SCN1B: variants seen among roughly 807,000 people sequenced by gnomAD.
The protein encoded by SCN1B is sodium channel regulatory subunit beta-1.
SCN1B carries 11 observed loss-of-function variants against 25.7 expected under a neutral mutation model. The observed-to-expected ratio is 0.43, with a 90% CI of 0.27 to 0.71. SCN1B has a LOEUF of 0.71. Ranked by LOEUF, SCN1B falls within the 30% of genes least tolerant of loss-of-function variation. The pLI is 0.21. For synonymous variants in SCN1B, 119 were observed against 117.5 expected (o/e 1.01, Z -0.08); for missense variants, 224 against 291.5 (o/e 0.77, Z 1.69).
Position 35,039,270 on chromosome 19 carries a change from G to C in SCN1B, c.590+12G>C. 1 of 1,611,532 alleles carries C rather than the reference G, an allele frequency of 6.2e-7. No individual in the cohort carries two copies. The highest frequency in any genetic ancestry group is 8.5e-7 in the Non-Finnish European group (1 of 1,180,002). On this transcript the variant is annotated intron_variant, in intron 4 of 5. Transcript: ENST00000262631. ...GCACAGGAGAATGCGTGAGTAGGGT[G>C]GCTGGGAGGTGGGAGGGCACCCAGG...
At chr19:35,039,584 T>C (rs2151749005) in intron 4 of SCN1B, 51 bp from the exon 5 acceptor site, 1 of 1,566,576 alleles carries the variant, frequency 6.4e-7, no homozygotes, top group East Asian at 2.2e-5. Context: ...CCCCCGGGGG[T>C]TGGGTCGGTC....
At position 35,033,696 on chromosome 19, in the gene SCN1B, C is replaced by G. The variant is rs372630267; in HGVS notation, c.405C>G (p.Asn135Lys). 8 of 1,614,072 alleles carry G rather than the reference C, an allele frequency of 5.0e-6. No individual in the cohort carries two copies. The highest frequency in any genetic ancestry group is 6.8e-6 in the Non-Finnish European group (8 of 1,180,048). ...RLLFFENYEH[N>K]TSVVKKIHIE... ...TCTTCTTCGAAAACTACGAGCACAA[C>G]ACCAGCGTCGTCAAGAAGATCCACA... The change falls in exon 3 of 6, where the codon AAC becomes AAG. Residue 135 changes from asparagine to lysine, a missense_variant. Asn to Lys is a moderately conservative substitution (Grantham distance 94). This residue lies in a region of SCN1B where 126 missense variants were observed against 204.9 expected (regional missense o/e 0.61). Transcript: ENST00000262631.
chr19:35,033,217 G>A (rs1368474759), intron 2 of SCN1B, among the ~76,000 whole-genome samples: 1 of 152,106 alleles, frequency 6.6e-6, no homozygotes, highest in Non-Finnish European at 1.5e-5. Flanking sequence ...GGAAAGAACG[G>A]CAGAGAATGA....
intron 3 of SCN1B, chr19:35,038,190 A>C (rs932856894): frequency 6.6e-5 from 10 of 152,190 alleles, no homozygotes; most frequent in Admixed American, 6.5e-4. Flanking sequence ...ACAGCAGGGA[A>C]AATGGGATCT....
At chr19:35,039,074 A>G in intron 3 of SCN1B, 43 bp from the exon 4 acceptor site, 2 of 1,611,396 alleles carry the variant, frequency 1.2e-6, no homozygotes, top group Non-Finnish European at 8.5e-7. Flanking sequence ...TCAGGCTGTC[A>G]TGCAGCCTGG....
chr19:35,034,131 G>T, intron 3 of SCN1B: 2 of 1,551,336 alleles, frequency 1.3e-6, no homozygotes, highest in South Asian at 2.4e-5. Flanking sequence ...CATGAGGATT[G>T]AGCAGCTGCA....
chr19:35,030,792 GA>G lies in SCN1B; in HGVS notation c.-28del. ...CCCGCTATTAATACCGGCGGCCCGG[GA>G]GGGGGGCGCAGCACGCGCCGCGCAG... On this transcript the variant is annotated 5_prime_UTR_variant, in exon 1 of 6. Transcript: ENST00000262631. The G allele has an allele frequency of 2.0e-6, 2 of 1,004,252 alleles. No homozygotes were observed. The highest frequency in any genetic ancestry group is 2.6e-6 in the Non-Finnish European group (2 of 772,690). The allele number at this position is 1,004,252 out of a possible 1,614,324, so 62.2% of individuals were successfully genotyped here. A position where few individuals can be genotyped will look rare whatever the true frequency, so the allele number is the denominator to read the frequency against.
intron 3 of SCN1B, chr19:35,034,274 G>T (rs541514361): frequency 6.1e-6 from 7 of 1,153,480 alleles, no homozygotes; most frequent in Non-Finnish European, 8.5e-6. Flanking sequence ...GCAGAGTTCC[G>T]CACACCCCTC....
chr19:35,038,812 G>GTCA (rs1330457869), intron 3 of SCN1B: 7 of 453,542 alleles, frequency 1.5e-5, no homozygotes, highest in Non-Finnish European at 2.1e-5. Flanking sequence ...CTTGCGCAAG[G>GTCA]TCACACAGCT....
At chr19:35,037,607 A>T (rs955121389) in intron 3 of SCN1B, 1 of 152,122 alleles carries the variant, frequency 6.6e-6, no homozygotes, top group Non-Finnish European at 1.5e-5. Flanking sequence ...AATTTAGCAC[A>T]GAGCTTGACT....
chr19:35,038,950 G>A (rs2064264935), intron 3 of SCN1B, 167 bp from the exon 4 acceptor site: 2 of 780,642 alleles, frequency 2.6e-6, no homozygotes, highest in African/African-American at 1.7e-5. Flanking sequence ...GGCAGGTTGA[G>A]GGTGACCCCC....
Position 35,030,742 on chromosome 19 carries a change from G to T in SCN1B, c.-79G>T. On this transcript the variant is annotated 5_prime_UTR_variant, in exon 1 of 6. Transcript: ENST00000262631. ...GCGCGCTCCCGGGGACATTCTAACC[G>T]CCGCCAGGTCCCGCCGCCTCTCGCC... 2.3e-6 allele frequency: 1 copy of T among 435,932 alleles called. No homozygotes were observed. The highest frequency in any genetic ancestry group is 4.0e-6 in the Non-Finnish European group (1 of 250,300). 27.0% of individuals were successfully genotyped at this position (435,932 alleles called of 1,614,324 possible).
rs779184742 is a variant in SCN1B at position 35,039,098 on chromosome 19, C to G, written c.449-19C>G. The G allele has an allele frequency of 2.5e-6, 4 of 1,614,094 alleles. No individual in the cohort carries two copies. Among genetic ancestry groups the G allele is most frequent in the South Asian group, 1.1e-5 (1 of 91,084 alleles). On this transcript the variant is annotated intron_variant, in intron 3 of 5. Coordinates refer to ENST00000262631, the MANE Select transcript of SCN1B (RefSeq NM_001037.5). Reference sequence around the variant, plus strand: ...CATGCAGCCTGGGCTACCCCCTTAACCCTGCCTGGCCCCTGCAGCCAACAG... The same window carrying G: ...CATGCAGCCTGGGCTACCCCCTTAAGCCTGCCTGGCCCCTGCAGCCAACAG...
At chr19:35,039,036 A>G (rs747036285) in intron 3 of SCN1B, 81 bp from the exon 4 acceptor site, 4 of 1,539,690 alleles carry the variant, frequency 2.6e-6, no homozygotes, top group Non-Finnish European at 3.6e-6. Flanking sequence ...CCACTCATCC[A>G]AGCTCACACA....
chr19:35,039,702 C>T lies in SCN1B; in HGVS notation c.*1C>T. ...CACGGGCGTCCAGGTGGCCGAATAGCCCTGGTAAGGCGGATGGGCTGGCAG... is the reference window on the plus strand; with the variant it reads ...CACGGGCGTCCAGGTGGCCGAATAGTCCTGGTAAGGCGGATGGGCTGGCAG... On this transcript the variant is annotated 3_prime_UTR_variant, in exon 5 of 6. Transcript: ENST00000262631. The T allele has an allele frequency of 6.2e-7, 1 of 1,614,130 alleles. No homozygotes were observed. Among genetic ancestry groups the T allele is most frequent in the East Asian group, 2.2e-5 (1 of 44,870 alleles).
rs765269835 is a variant in SCN1B, at chr19:35,039,139, C to A, written c.471C>A (p.Ile157=). ...VDKANRDMAS[I]VSEIMMYVLI... ...CAGCCAACAGAGACATGGCATCCATCGTGTCTGAGATCATGATGTATGTGC... is the reference window on the plus strand; with the variant it reads ...CAGCCAACAGAGACATGGCATCCATAGTGTCTGAGATCATGATGTATGTGC... Residue 157 remains isoleucine (I), a synonymous_variant, in exon 4 of 6, where the codon ATC becomes ATA. Transcript: ENST00000262631. 1.9e-6 allele frequency: 3 copies of A among 1,614,100 alleles called. No individual in the cohort carries two copies. In the African/African-American group the frequency reaches 4.0e-5, roughly 22 times the overall value.
At position 35,040,084 on chromosome 19, in the gene SCN1B, G is replaced by T; in HGVS notation, c.*293G>T. 3.3e-6 allele frequency: 1 copy of T among 307,388 alleles called. No homozygotes were observed. Among genetic ancestry groups the T allele is most frequent in the Non-Finnish European group, 6.3e-6 (1 of 157,706 alleles). The allele number at this position is 307,388 out of a possible 1,614,324, so 19.0% of individuals were successfully genotyped here. A position where few individuals can be genotyped will look rare whatever the true frequency, so the allele number is the denominator to read the frequency against. On this transcript the variant is annotated 3_prime_UTR_variant, in exon 6 of 6. Coordinates refer to ENST00000262631, the MANE Select transcript of SCN1B (RefSeq NM_001037.5). The stretch of plus-strand genomic sequence containing the variant: ...TTTGGGGAGGGGGGCGGTGAGGTGG[G>T]GGCAGCGGCCCCGCACCCCTCCTCC...
intron 3 of SCN1B, chr19:35,034,307 C>G: frequency 1.2e-6 from 1 of 819,746 alleles, no homozygotes; most frequent in Non-Finnish European, 1.9e-6. Context: ...CCGGGGGAGC[C>G]GCGCTGGCCT....
At position 35,032,287 on chromosome 19, in the gene SCN1B, T is replaced by C. The variant is rs189261941; in HGVS notation, c.41-241T>C. On this transcript the variant is annotated intron_variant, in intron 1 of 5. Coordinates refer to ENST00000262631, the MANE Select transcript of SCN1B (RefSeq NM_001037.5). The surrounding 1 kb of genome is among the most constrained non-coding windows in gnomAD (Gnocchi z 4.3). ...CCCATGTACAAGGCCCTACCTAATG[T>C]ATGAAAATGGGCCCAGCCATTGCTG... 1.2e-4 allele frequency among the ~76,000 whole-genome samples: 18 copies of C among 152,300 alleles called. No individual in the cohort carries two copies. In the East Asian group the frequency reaches 2.9e-3, roughly 25 times the overall value.
Sources: allele counts gnomAD v4.1 joint callset (sites outside exome capture counted in the v4.1 genomes callset), GRCh38; gene constraint gnomAD v4.1.1; regional missense constraint gnomAD v4.1.1; non-coding constraint Gnocchi (gnomAD v3.1); transcripts MANE v1.5; gene names NCBI Gene and HGNC (gene_info 2026-07-23, HGNC 2026-07-21).